The following MYO1E variants were observed in gnomAD, a reference collection of about 807,000 sequenced individuals.
MYO1E encodes the protein unconventional myosin-Ie.
In MYO1E, 68 loss-of-function variants were observed where a neutral mutation model predicts 151.1. The ratio of observed to expected loss-of-function variants is 0.45; its 90% CI spans 0.37 to 0.55. The LOEUF (loss-of-function observed/expected upper bound fraction) is 0.55, where lower values mean the gene tolerates loss of function less well. Ranked by LOEUF, MYO1E falls within the 20% of genes least tolerant of loss-of-function variation. The pLI, the probability that MYO1E is intolerant of heterozygous loss-of-function variation, is 0.00. For missense variants in MYO1E, 1,363 were observed against 1,389.3 expected, an observed-to-expected ratio of 0.98 and a Z score of 0.30; for synonymous variants, 601 against 501.7, an observed-to-expected ratio of 1.20 and a Z score of -2.64.
intron 1 of MYO1E, among the ~76,000 whole-genome samples, chr15:59,325,341 C>T (rs1355914289): frequency 2.0e-5 from 3 of 152,018 alleles, no homozygotes; most frequent in African/African-American, 7.2e-5. Context: ...GGCCAATTGT[C>T]CTTTTTAGTT....
intron 6 of MYO1E, among the ~76,000 whole-genome samples, chr15:59,230,613 T>G (rs564857945): frequency 6.6e-6 from 1 of 152,118 alleles, no homozygotes; most frequent in South Asian, 2.1e-4. Context: ...AACTCAGGCA[T>G]TGGGCCCAAA....
intron 1 of MYO1E, among the ~76,000 whole-genome samples, chr15:59,312,100 T>G (rs1172530635): frequency 6.6e-6 from 1 of 152,232 alleles, no homozygotes; most frequent in Non-Finnish European, 1.5e-5. Context: ...TAATTCACTT[T>G]GAACTTTCAT....
intron 1 of MYO1E, among the ~76,000 whole-genome samples, chr15:59,335,571 T>G (rs2080723183): frequency 6.6e-6 from 1 of 152,138 alleles, no homozygotes; most frequent in Admixed American, 6.6e-5. Context: ...AAGCCAGGGC[T>G]GGAAAAGTAC....
intron 10 of MYO1E, 103 bp from the exon 11 acceptor site, chr15:59,214,823 T>C: frequency 1.1e-6 from 1 of 885,610 alleles, no homozygotes; most frequent in Non-Finnish European, 1.9e-6. Context: ...CAAACACTAC[T>C]GCTTGCAGGA....
chr15:59,195,441 A>G lies in MYO1E; in HGVS notation c.1805+20T>C. ...AGGGAAAAAGGTCCCGGCCCCACCT[A>G]AGCCGGTTTCCCCCGATACCTGCTT... On this transcript the variant is annotated intron_variant, in intron 17 of 27. Coordinates refer to ENST00000288235, the MANE Select transcript of MYO1E (RefSeq NM_004998.4). 1.9e-6 allele frequency: 3 copies of G among 1,594,468 alleles called. No individual in the cohort carries two copies. Among genetic ancestry groups the G allele is most frequent in the Non-Finnish European group, 1.7e-6 (2 of 1,162,200 alleles).
chr15:59,273,687 A>T (rs1473938237), intron 1 of MYO1E, among the ~76,000 whole-genome samples: 1 of 117,136 alleles, frequency 8.5e-6, no homozygotes, highest in Non-Finnish European at 1.8e-5. Context: ...GAGGAAGGAC[A>T]TTCATTATAA....
At chr15:59,213,963 T>C (rs1243735117) in intron 12 of MYO1E, among the ~76,000 whole-genome samples, 2 of 152,204 alleles carry the variant, frequency 1.3e-5, no homozygotes, top group African/African-American at 4.8e-5. Flanking sequence ...ACGTGCTCAA[T>C]GAGTCAGTAG....
At chr15:59,241,680 G>C (rs1397511841) in intron 4 of MYO1E, among the ~76,000 whole-genome samples, 3 of 151,698 alleles carry the variant, frequency 2.0e-5, no homozygotes, top group African/African-American at 7.3e-5. Context: ...CTCCAGCCTC[G>C]GTGACAGAGC....
intron 5 of MYO1E, among the ~76,000 whole-genome samples, chr15:59,236,369 T>TATATACACACACAC (rs1392466770): frequency 1.5e-4 from 18 of 117,744 alleles, no homozygotes; most frequent in African/African-American, 5.5e-4. Context: ...AAAAAATATA[T>TATATACACACACAC]ACACACACAC....
chr15:59,291,562 G>A (rs1567004958), intron 1 of MYO1E, among the ~76,000 whole-genome samples: 1 of 151,486 alleles, frequency 6.6e-6, no homozygotes, highest in African/African-American at 2.4e-5. Flanking sequence ...GTGGCCAGGC[G>A]TGGTGGCTCA....
chr15:59,208,610 C>T (rs1210527632), intron 14 of MYO1E, 71 bp downstream of exon 14: 6 of 1,558,670 alleles, frequency 3.8e-6, no homozygotes, highest in African/African-American at 1.4e-5. Context: ...ATATGATTTG[C>T]TTCATGAGAA....
intron 15 of MYO1E, 140 bp downstream of exon 15, chr15:59,205,260 T>A: frequency 1.2e-6 from 1 of 862,666 alleles, no homozygotes; most frequent in Admixed American, 1.7e-5. Flanking sequence ...ACTCCTAGGA[T>A]CAAGTGATCC....
At chr15:59,290,229 G>T (rs2080411062) in intron 1 of MYO1E, among the ~76,000 whole-genome samples, 1 of 152,192 alleles carries the variant, frequency 6.6e-6, no homozygotes, top group African/African-American at 2.4e-5. Flanking sequence ...GAAGACAGAA[G>T]AAATGGATTC....
At chr15:59,163,358 A>T in intron 22 of MYO1E, 55 bp from the exon 23 acceptor site, 1 of 1,546,410 alleles carries the variant, frequency 6.5e-7, no homozygotes, top group Non-Finnish European at 8.8e-7. Context: ...TGTTTACTCT[A>T]TTGTTTTTTT....
At chr15:59,284,107 G>A (rs1409662533) in intron 1 of MYO1E, among the ~76,000 whole-genome samples, 3 of 152,254 alleles carry the variant, frequency 2.0e-5, no homozygotes, top group Admixed American at 2.0e-4. Context: ...GATGATGTCT[G>A]CCCCCTGCCA....
chr15:59,229,751 G>A (rs2080014396), intron 6 of MYO1E, among the ~76,000 whole-genome samples: 1 of 151,952 alleles, frequency 6.6e-6, no homozygotes. Flanking sequence ...ATTTTTTAAA[G>A]TGAAATTACT....
At chr15:59,197,734 G>T (rs1438600327) in intron 16 of MYO1E, among the ~76,000 whole-genome samples, 1 of 152,204 alleles carries the variant, frequency 6.6e-6, no homozygotes, top group Non-Finnish European at 1.5e-5. Context: ...TGATATAAAA[G>T]GAATTAACTG....
intron 1 of MYO1E, among the ~76,000 whole-genome samples, chr15:59,324,504 T>C (rs534622039): frequency 6.6e-6 from 1 of 152,216 alleles, no homozygotes; most frequent in South Asian, 2.1e-4. Flanking sequence ...TCGGGGATGC[T>C]AGAGTATCTG....
chr15:59,316,788 A>G lies in MYO1E; in HGVS notation c.4-44339T>C, dbSNP rs570145805. On this transcript the variant is annotated intron_variant, in intron 1 of 27. Transcript: ENST00000288235. The stretch of plus-strand genomic sequence containing the variant: ...TTAGCAAGTCTTTCAAAATATTTCT[A>G]TGAAAACACTGTGCTTTGTAAGGAA... Among the ~76,000 whole-genome samples, 23 of 152,348 alleles carry G rather than the reference A, an allele frequency of 1.5e-4. No individual in the cohort carries two copies. In the South Asian group the frequency reaches 4.4e-3, roughly 29 times the overall value.
Sources: gnomAD v4.1 joint callset for allele counts (sites outside exome capture counted in the v4.1 genomes callset) on GRCh38, gnomAD v4.1.1 for gene constraint, MANE v1.5 for transcripts, NCBI Gene and HGNC (gene_info 2026-07-23, HGNC 2026-07-21) for gene names.